Variants in ARHGAP18 observed in about 807,000 individuals in gnomAD.
ARHGAP18 encodes the protein Rho GTPase activating protein 18, also known as rho GTPase-activating protein 18.
In ARHGAP18, 67 loss-of-function variants were observed where a neutral mutation model predicts 86.2. The observed-to-expected ratio is 0.78, with a 90% CI of 0.64 to 0.95. ARHGAP18 has a LOEUF of 0.95. ARHGAP18 is among the 40% of genes least tolerant of loss of function. ARHGAP18 has a pLI of 0.00. For missense variants in ARHGAP18, 691 were observed against 780.4 expected, an observed-to-expected ratio of 0.89 and a Z score of 1.37; for synonymous variants, 283 against 280.4, an observed-to-expected ratio of 1.01 and a Z score of -0.09.
rs1021414603 is a variant in ARHGAP18, at chr6:129,641,861, T to C, written c.271A>G (p.Asn91Asp). The C allele has an allele frequency of 2.5e-6, 4 of 1,613,884 alleles. No homozygotes were observed. In the African/African-American group the frequency reaches 5.3e-5, roughly 22 times the overall value. Reference sequence around the variant, plus strand: ...ACCACCTCTTGATCTTCTTGGCTGTTTTCACTAGATTTCTTGATGTTTTCT... The same window carrying C: ...ACCACCTCTTGATCTTCTTGGCTGTCTTCACTAGATTTCTTGATGTTTTCT... Reference protein sequence around the residue: ...ELENIKKSSENSQEDQEVVVV... With the variant: ...ELENIKKSSEDSQEDQEVVVV... The change falls in exon 2 of 15, where the codon AAC (asparagine) becomes GAC (aspartate). Residue 91 changes from asparagine (N) to aspartate (D), a missense_variant. Coordinates refer to ENST00000368149, the MANE Select transcript of ARHGAP18 (RefSeq NM_033515.3).
chr6:129,660,305 T>C (rs1773925512), intron 1 of ARHGAP18, among the ~76,000 whole-genome samples: 1 of 152,152 alleles, frequency 6.6e-6, no homozygotes, highest in Non-Finnish European at 1.5e-5. Context: ...GATGATAAGG[T>C]CCTGAATCCA....
chr6:129,646,184 G>C (rs1437502672), intron 1 of ARHGAP18, among the ~76,000 whole-genome samples: 1 of 152,150 alleles, frequency 6.6e-6, no homozygotes. Context: ...GGGAGTCTAA[G>C]TACCAAATGA....
intron 1 of ARHGAP18, among the ~76,000 whole-genome samples, chr6:129,701,783 C>A (rs1411103243): frequency 1.3e-5 from 2 of 149,698 alleles, no homozygotes; most frequent in Admixed American, 6.6e-5. Context: ...TAAAAAAAAA[C>A]AAAAAACAAA....
Position 129,611,430 on chromosome 6 carries a change from T to A in ARHGAP18, c.1122+103A>T, listed in dbSNP as rs1436192147. ...TTTTATTGTTTTATTTTATCTACTT[T>A]ACTAACAATGGAAAAAAGGGGTAGA... On this transcript the variant is annotated intron_variant, in intron 8 of 14. Transcript: ENST00000368149. The A allele has an allele frequency of 8.7e-6, 8 of 922,694 alleles. No homozygotes were observed. The East Asian group carries it at 1.6e-4, about 18-fold the overall frequency. 57.2% of individuals were successfully genotyped at this position (922,694 alleles called of 1,614,324 possible).
At chr6:129,657,604 A>G (rs980185010) in intron 1 of ARHGAP18, among the ~76,000 whole-genome samples, 3 of 152,138 alleles carry the variant, frequency 2.0e-5, no homozygotes, top group African/African-American at 4.8e-5. Flanking sequence ...CGCAAAATAC[A>G]TTTCAGTTCC....
intron 1 of ARHGAP18, among the ~76,000 whole-genome samples, chr6:129,649,321 C>T (rs1449705394): frequency 2.6e-5 from 4 of 152,036 alleles, no homozygotes; most frequent in South Asian, 2.1e-4. Context: ...TTCGGGAGGC[C>T]GAGGCGGGCA....
At chr6:129,600,954 T>C in intron 10 of ARHGAP18, 106 bp from the exon 11 acceptor site, 1 of 951,408 alleles carries the variant, frequency 1.1e-6, no homozygotes, top group Non-Finnish European at 1.5e-6. Context: ...AAGTTGTGTA[T>C]AAGCACAGTC....
At chr6:129,598,211 A>T (rs961344532) in intron 12 of ARHGAP18, among the ~76,000 whole-genome samples, 1 of 152,130 alleles carries the variant, frequency 6.6e-6, no homozygotes, top group Non-Finnish European at 1.5e-5. Flanking sequence ...AGGCCTTTCT[A>T]AAAAAATAAG....
chr6:129,629,519 T>C lies in ARHGAP18; in HGVS notation c.620A>G (p.Glu207Gly), dbSNP rs1773142431. ...CTCTTCACCAACAAGGTTAGATGCC[T>C]CGTCTAGGGGCCCGGGGGGAAAGAA... ...NENKYQGRDD[E>G]ASNLVGEEKL... The change falls in exon 5 of 15, where the codon GAG (glutamate) becomes GGG (glycine). Residue 207 changes from glutamate (E) to glycine (G), a missense_variant. Coordinates refer to ENST00000368149, the MANE Select transcript of ARHGAP18 (RefSeq NM_033515.3). The C allele has an allele frequency of 6.2e-7, 1 of 1,611,142 alleles. No homozygotes were observed. Among genetic ancestry groups the C allele is most frequent in the South Asian group, 1.1e-5 (1 of 90,438 alleles).
intron 1 of ARHGAP18, among the ~76,000 whole-genome samples, chr6:129,694,271 C>A (rs1046743240): frequency 6.6e-6 from 1 of 152,138 alleles, no homozygotes; most frequent in African/African-American, 2.4e-5. Flanking sequence ...TTGGTAAAGA[C>A]CCTGACAACA....
chr6:129,633,916 G>C (rs983366774), intron 4 of ARHGAP18, 126 bp downstream of exon 4: 2 of 782,950 alleles, frequency 2.6e-6, no homozygotes, highest in African/African-American at 1.8e-5. Flanking sequence ...ATCCACTTGA[G>C]ACCTTACATT....
At chr6:129,581,726 T>C (rs1274044579) in intron 13 of ARHGAP18, among the ~76,000 whole-genome samples, 4 of 152,168 alleles carry the variant, frequency 2.6e-5, no homozygotes, top group Non-Finnish European at 5.9e-5. Flanking sequence ...CATTCATATG[T>C]CCATTGGCTT....
chr6:129,698,028 C>A (rs1774648380), intron 1 of ARHGAP18, among the ~76,000 whole-genome samples: 1 of 152,180 alleles, frequency 6.6e-6, no homozygotes, highest in Non-Finnish European at 1.5e-5. Context: ...CCTTTTCTTA[C>A]TCAAACTTAA....
chr6:129,607,668 A>G (rs1271949018), intron 9 of ARHGAP18, among the ~76,000 whole-genome samples: 1 of 152,198 alleles, frequency 6.6e-6, no homozygotes, highest in Non-Finnish European at 1.5e-5. Flanking sequence ...CGTGCAATTA[A>G]TCTGTACCCA....
At chr6:129,687,500 A>G (rs1364294960) in intron 1 of ARHGAP18, among the ~76,000 whole-genome samples, 5 of 152,164 alleles carry the variant, frequency 3.3e-5, no homozygotes, top group African/African-American at 1.2e-4. Flanking sequence ...CTCAAACCCT[A>G]TCAAAGCAGG....
intron 7 of ARHGAP18, among the ~76,000 whole-genome samples, chr6:129,614,877 A>C (rs1789062489): frequency 6.6e-6 from 1 of 152,072 alleles, no homozygotes; most frequent in Admixed American, 6.5e-5. Context: ...TTCCCAAAGA[A>C]GCGGCAATTT....
chr6:129,591,902 G>C (rs1464691759), intron 12 of ARHGAP18, among the ~76,000 whole-genome samples: 3 of 152,136 alleles, frequency 2.0e-5, no homozygotes, highest in African/African-American at 7.2e-5. Context: ...ACCCTAGTCT[G>C]AACTGACAAT....
chr6:129,600,820 A>G lies in ARHGAP18; in HGVS notation c.1394T>C (p.Ile465Thr). 1 of 1,612,772 alleles carries G rather than the reference A, an allele frequency of 6.2e-7. No individual in the cohort carries two copies. The highest frequency in any genetic ancestry group is 8.5e-7 in the Non-Finnish European group (1 of 1,179,462). Residue 465 changes from isoleucine to threonine, a missense_variant, in exon 11 of 15, where the codon ATA becomes ACA. Ile to Thr is a moderately conservative substitution (Grantham distance 89, BLOSUM62 -1). Coordinates refer to ENST00000368149, the MANE Select transcript of ARHGAP18 (RefSeq NM_033515.3). Reference sequence around the variant, plus strand: ...CATTTTATTTTTTTCTTTATTATCTATTACTCTTTGGAGAAATTCAAGAAG... The same window carrying G: ...CATTTTATTTTTTTCTTTATTATCTGTTACTCTTTGGAGAAATTCAAGAAG... The part of the protein sequence containing the change: ...KALLEFLQRV[I>T]DNKEKNKMTV...
At chr6:129,654,660 A>G (rs563335542) in intron 1 of ARHGAP18, among the ~76,000 whole-genome samples, 12 of 152,214 alleles carry the variant, frequency 7.9e-5, no homozygotes, top group Non-Finnish European at 1.6e-4. Flanking sequence ...TTGGCACTCT[A>G]TAGAAAGCTG....
Sources: gnomAD v4.1 joint callset for allele counts (sites outside exome capture counted in the v4.1 genomes callset) on GRCh38, gnomAD v4.1.1 for gene constraint, MANE v1.5 for transcripts, NCBI Gene and HGNC (gene_info 2026-07-23, HGNC 2026-07-21) for gene names.